Variants in ROBO2 observed in about 807,000 individuals in gnomAD.
The protein encoded by ROBO2 is roundabout homolog 2.
A neutral mutation model predicts 160.8 loss-of-function variants in ROBO2; 53 were observed. The observed-to-expected ratio is 0.33, with a 90% confidence interval of 0.26 to 0.41. ROBO2 has a LOEUF of 0.41. Ranked by LOEUF, ROBO2 falls within the 10% of genes least tolerant of loss-of-function variation. The pLI is 1.00. For synonymous variants in ROBO2, 664 were observed against 611.7 expected (o/e 1.09, Z -1.26); for missense variants, 1,577 against 1,722.4 (o/e 0.92, Z 1.49).
At chr3:77,260,654 T>G in intron 2 of ROBO2, among the ~76,000 whole-genome samples, 1 of 151,980 alleles carries the variant, frequency 6.6e-6, no homozygotes, top group Admixed American at 6.6e-5. Context: ...GCTCTGAGAG[T>G]TTAAATGACT....
In ROBO2 at chr3:76,299,961, G is replaced by T. The variant is rs544458229; in HGVS notation, c.109+362359G>T. On this transcript the variant is annotated intron_variant, in intron 2 of 26. Coordinates refer to the ROBO2 transcript ENST00000487694. ...GCAATATTTTTTGACGAGTTGAGTT[G>T]GAGGTATTTATTTGACATTTTTAGA... Among the ~76,000 whole-genome samples, 14 of 152,254 alleles carry T rather than the reference G, an allele frequency of 9.2e-5. 1 individual carries two copies. Among genetic ancestry groups the T allele is most frequent in the Middle Eastern group, 3.4e-3 (1 of 294 alleles).
At chr3:77,455,467 C>A (rs761678773) in intron 2 of ROBO2, among the ~76,000 whole-genome samples, 5 of 152,100 alleles carry the variant, frequency 3.3e-5, no homozygotes, top group Non-Finnish European at 5.9e-5. Flanking sequence ...GAGTCTTGCT[C>A]TGTCACTAGG....
intron 2 of ROBO2, among the ~76,000 whole-genome samples, chr3:76,643,821 A>G (rs1190025927): frequency 1.3e-5 from 2 of 152,160 alleles, no homozygotes; most frequent in African/African-American, 4.8e-5. Flanking sequence ...TTAAATTTCC[A>G]TTCAAACTTG....
At chr3:77,541,907 T>C (rs574843745) in intron 6 of ROBO2, among the ~76,000 whole-genome samples, 69 of 152,322 alleles carry the variant, frequency 4.5e-4, no homozygotes, top group African/African-American at 1.6e-3. Flanking sequence ...CACATTGGGT[T>C]TAAGCATGTG....
chr3:76,494,427 G>A (rs1439037315), intron 2 of ROBO2, among the ~76,000 whole-genome samples: 1 of 152,176 alleles, frequency 6.6e-6, no homozygotes, highest in African/African-American at 2.4e-5. Context: ...ATACTCCATT[G>A]ATCAAAGACA....
At chr3:76,874,908 T>C (rs534652901) in intron 2 of ROBO2, among the ~76,000 whole-genome samples, 1 of 152,298 alleles carries the variant, frequency 6.6e-6, no homozygotes, top group South Asian at 2.1e-4. Context: ...ATATGATATA[T>C]GTAACGGAAT....
At chr3:77,547,528 T>A (rs1523756) in intron 7 of ROBO2, among the ~76,000 whole-genome samples, 21,812 of 152,054 alleles carry the variant, frequency 0.14, 1,748 homozygotes, top group South Asian at 0.18. Flanking sequence ...CTTACATGTG[T>A]TTATCTGCAA....
chr3:77,477,604 T>C (rs757567307), intron 3 of ROBO2, 33 bp downstream of exon 3: 47 of 1,508,034 alleles, frequency 3.1e-5, no homozygotes, highest in South Asian at 7.9e-5. Flanking sequence ...CCCAGAGAGA[T>C]TGAATTTTCA....
chr3:77,126,834 G>A (rs1458926331), intron 2 of ROBO2, among the ~76,000 whole-genome samples: 1 of 136,260 alleles, frequency 7.3e-6, no homozygotes, highest in Non-Finnish European at 1.5e-5. Flanking sequence ...TGTCTCCCAG[G>A]CTGGAGTGCA....
intron 2 of ROBO2, among the ~76,000 whole-genome samples, chr3:76,710,582 T>G (rs1466443614): frequency 6.6e-6 from 1 of 152,192 alleles, no homozygotes; most frequent in African/African-American, 2.4e-5. Context: ...CTTGGAGTTA[T>G]GGAGACAGAA....
At chr3:75,977,626 A>G (rs571779274) in intron 2 of ROBO2, among the ~76,000 whole-genome samples, 1 of 151,650 alleles carries the variant, frequency 6.6e-6, no homozygotes, top group East Asian at 2.0e-4. Flanking sequence ...GAGTAGGGGT[A>G]TGCTAGTTGC....
rs530229219 is a variant in ROBO2, at chr3:77,351,958, C to T, written c.389-125456C>T. Among the ~76,000 whole-genome samples the T allele has an allele frequency of 1.3e-4, 20 of 148,676 alleles. 1 individual carries two copies. The highest frequency in any genetic ancestry group is 4.7e-4 in the African/African-American group (19 of 40,090). On this transcript the variant is annotated intron_variant, in intron 2 of 25. Transcript: ENST00000461745. Reference sequence around the variant, plus strand: ...TCTGGGGACTGTTGTGGAGTGGGGGCAGGGGGGAGGGTGAGCATTAGGAGA... The same window carrying T: ...TCTGGGGACTGTTGTGGAGTGGGGGTAGGGGGGAGGGTGAGCATTAGGAGA...
At chr3:77,317,651 TGCTGCTGGGGGGCTGCTGGGGGG>T in intron 2 of ROBO2, 2 of 227,008 alleles carry the variant, frequency 8.8e-6, no homozygotes, top group South Asian at 3.3e-5. Context: ...GGCTGCTGGT[TGCTGCTGGGGGGCTGCTGGGGGG>T]GCTGCTGGGG....
chr3:76,096,936 T>C lies in ROBO2; in HGVS notation c.109+159334T>C, dbSNP rs60960803. Among the ~76,000 whole-genome samples, 1,214 of 152,312 alleles carry C rather than the reference T, an allele frequency of 8.0e-3. 7 individuals carry two copies. The highest frequency in any genetic ancestry group is 0.027 in the African/African-American group (1,125 of 41,564). The stretch of plus-strand genomic sequence containing the variant: ...GAAAAATTAGTTATGGGCAGACGAC[T>C]GACAAAACTCTCTGTCTTTGCTACA... On this transcript the variant is annotated intron_variant, in intron 2 of 26. Transcript: ENST00000487694.
chr3:76,752,523 G>T (rs918791732), intron 2 of ROBO2, among the ~76,000 whole-genome samples: 1 of 151,616 alleles, frequency 6.6e-6, no homozygotes, highest in Non-Finnish European at 1.5e-5. Context: ...CTCTAGATTA[G>T]TCCAGAAGTG....
chr3:77,523,533 T>C (rs769328901), intron 6 of ROBO2, among the ~76,000 whole-genome samples: 8 of 151,398 alleles, frequency 5.3e-5, no homozygotes, highest in Admixed American at 1.3e-4. Context: ...TGGAATAATG[T>C]TCATTTATAG....
At chr3:77,424,395 G>GTATA (rs1167135601) in intron 2 of ROBO2, among the ~76,000 whole-genome samples, 1 of 152,126 alleles carries the variant, frequency 6.6e-6, no homozygotes, top group East Asian at 1.9e-4. Flanking sequence ...TCTTTACAAA[G>GTATA]TATATGCTTT....
intron 2 of ROBO2, among the ~76,000 whole-genome samples, chr3:76,017,669 T>C (rs1057286415): frequency 1.3e-5 from 2 of 152,036 alleles, no homozygotes; most frequent in Admixed American, 1.3e-4. Flanking sequence ...TTTATATACA[T>C]ACCAATCACA....
intron 2 of ROBO2, among the ~76,000 whole-genome samples, chr3:76,712,073 A>G (rs2093304532): frequency 6.6e-6 from 1 of 152,228 alleles, no homozygotes; most frequent in Admixed American, 6.5e-5. Context: ...GTAGGCTTGC[A>G]TTAATACTTA....
Sources: gnomAD v4.1 joint callset for allele counts (sites outside exome capture counted in the v4.1 genomes callset) on GRCh38, gnomAD v4.1.1 for gene constraint, MANE v1.5 for transcripts, NCBI Gene and HGNC (gene_info 2026-07-23, HGNC 2026-07-21) for gene names.